SHROOM3: variants seen among roughly 807,000 people sequenced by gnomAD.
SHROOM3 encodes shroom family member 3.
A neutral mutation model predicts 138.6 loss-of-function variants in SHROOM3; 47 were observed. That is an observed-to-expected ratio of 0.34 (90% CI 0.27 to 0.43). SHROOM3 has a LOEUF of 0.43. SHROOM3 is among the 20% of genes least tolerant of loss of function. The pLI is 1.00. For missense variants in SHROOM3, 2,491 were observed against 2,596.5 expected (o/e 0.96, Z 0.88); for synonymous variants, 1,062 against 1,063.3 (o/e 1.00, Z 0.02).
chr4:76,626,448 C>T (rs1735146316), intron 2 of SHROOM3, among the ~76,000 whole-genome samples: 1 of 152,176 alleles, frequency 6.6e-6, no homozygotes, highest in Non-Finnish European at 1.5e-5. Context: ...TAAATACATA[C>T]CCATTGTCTA....
intron 2 of SHROOM3, among the ~76,000 whole-genome samples, chr4:76,565,022 G>A (rs902746052): frequency 6.6e-6 from 1 of 152,000 alleles, no homozygotes; most frequent in Non-Finnish European, 1.5e-5. Context: ...TTAGCCGGGT[G>A]TGGTGGTGGG....
At chr4:76,691,036 G>T (rs945909342) in intron 2 of SHROOM3, among the ~76,000 whole-genome samples, 1 of 152,172 alleles carries the variant, frequency 6.6e-6, no homozygotes, top group African/African-American at 2.4e-5. Flanking sequence ...CCCAGCAAAT[G>T]GTTTCTGTTT....
chr4:76,782,474 T>TA lies in SHROOM3; in HGVS notation c.*3300dup, dbSNP rs543774825. The TA allele has an allele frequency of 8.5e-5, 13 of 152,246 alleles. No homozygotes were observed. The highest frequency in any genetic ancestry group is 1.8e-4 in the Non-Finnish European group (12 of 68,044). The allele number at this position is 152,246 out of a possible 1,614,324, so 9.4% of individuals were successfully genotyped here. On this transcript the variant is annotated 3_prime_UTR_variant, in exon 11 of 11. Coordinates refer to ENST00000296043, the MANE Select transcript of SHROOM3 (RefSeq NM_020859.4). ...TCTCATCTAAAATAATTCATGAGTT[T>TA]AAATGGTAAATATATGCTTTAAGCT...
intron 1 of SHROOM3, among the ~76,000 whole-genome samples, chr4:76,551,436 G>A (rs981505286): frequency 3.9e-5 from 6 of 152,038 alleles, no homozygotes; most frequent in Non-Finnish European, 8.8e-5. Context: ...AATACTGAAG[G>A]GATGCAATTT....
intron 2 of SHROOM3, among the ~76,000 whole-genome samples, chr4:76,620,091 A>AAG (rs1553929397): frequency 1.2e-4 from 16 of 135,408 alleles, no homozygotes; most frequent in East Asian, 9.4e-4. Flanking sequence ...AAAAAAAAAA[A>AAG]AAGAAGAAAA....
At chr4:76,545,362 G>A (rs1380905496) in intron 1 of SHROOM3, among the ~76,000 whole-genome samples, 1 of 152,154 alleles carries the variant, frequency 6.6e-6, no homozygotes, top group Middle Eastern at 3.2e-3. Flanking sequence ...CCAGGGAGCT[G>A]TAAATCAAGA....
intron 3 of SHROOM3, among the ~76,000 whole-genome samples, chr4:76,726,243 C>T (rs1317507667): frequency 7.6e-6 from 1 of 131,004 alleles, no homozygotes; most frequent in Non-Finnish European, 1.8e-5. Flanking sequence ...CCTCCTCCTT[C>T]TGTGGAAGCT....
intron 2 of SHROOM3, among the ~76,000 whole-genome samples, chr4:76,641,451 T>C (rs1455912807): frequency 6.6e-6 from 1 of 152,104 alleles, no homozygotes; most frequent in Non-Finnish European, 1.5e-5. Context: ...CAGGCCTGTA[T>C]GCCCATAGGA....
rs61374645 is a variant in SHROOM3, at chr4:76,646,225, A to AATAAATAAATAT, written c.324-63928_324-63927insAATAAATATATA. Among the ~76,000 whole-genome samples the AATAAATAAATAT allele has an allele frequency of 1.0e-3, 99 of 96,210 alleles. 2 individuals are homozygous for AATAAATAAATAT. The highest frequency in any genetic ancestry group is 4.4e-3 in the Middle Eastern group (1 of 228). The allele number at this position is 96,210 out of a possible 152,430, so 63.1% of individuals were successfully genotyped here. A position where few individuals can be genotyped will look rare whatever the true frequency, so the allele number is the denominator to read the frequency against. On this transcript the variant is annotated intron_variant, in intron 2 of 10. Transcript: ENST00000296043. The stretch of plus-strand genomic sequence containing the variant: ...CCTAGAACTTAAAGTATAATAAATA[A>AATAAATAAATAT]ATATATATATATATATATATATAAA...
chr4:76,459,392 AT>A (rs933224839), intron 1 of SHROOM3, among the ~76,000 whole-genome samples: 39 of 152,128 alleles, frequency 2.6e-4, no homozygotes, highest in Non-Finnish European at 5.1e-4. Flanking sequence ...AATAGTTGGG[AT>A]TTTTTCCCCC....
intron 2 of SHROOM3, among the ~76,000 whole-genome samples, chr4:76,626,789 C>T (rs10222847): frequency 6.6e-6 from 1 of 152,006 alleles, no homozygotes; most frequent in Non-Finnish European, 1.5e-5. Flanking sequence ...TCTCTTGGTC[C>T]AAAAGCTTCC....
chr4:76,640,274 G>A lies in SHROOM3; in HGVS notation c.324-69882G>A, dbSNP rs565577390. ...TTCTGCATCTTTAAGCATAAAGATC[G>A]CTTTCTCATTTTGTAACATGATTTC... On this transcript the variant is annotated intron_variant, in intron 2 of 10. Transcript: ENST00000296043. Among the ~76,000 whole-genome samples the A allele has an allele frequency of 1.1e-4, 17 of 152,244 alleles. No homozygotes were observed. In the South Asian group the frequency reaches 2.5e-3, roughly 22 times the overall value.
In SHROOM3 at chr4:76,587,873, G is replaced by C. The variant is rs149726452; in HGVS notation, c.323+32110G>C. On this transcript the variant is annotated intron_variant, in intron 2 of 10. Coordinates refer to ENST00000296043, the MANE Select transcript of SHROOM3 (RefSeq NM_020859.4). ...AATGTTGAAGTTGTTAAAGAGAAAT[G>C]AACATTGGAAAGCTAAATAGATATT... Among the ~76,000 whole-genome samples the C allele has an allele frequency of 2.7e-3, 415 of 152,246 alleles. 2 individuals are homozygous for C. The highest frequency in any genetic ancestry group is 9.5e-3 in the African/African-American group (396 of 41,542).
chr4:76,502,540 C>T (rs1560526380), intron 1 of SHROOM3, among the ~76,000 whole-genome samples: 1 of 152,144 alleles, frequency 6.6e-6, no homozygotes, highest in Non-Finnish European at 1.5e-5. Context: ...ATACTTAGCT[C>T]GTGTCCACTG....
chr4:76,746,886 G>A (rs993236706), intron 5 of SHROOM3, among the ~76,000 whole-genome samples: 4 of 151,136 alleles, frequency 2.6e-5, no homozygotes, highest in Non-Finnish European at 4.4e-5. Context: ...GCGCAATGTC[G>A]GCTCACTGCA....
At chr4:76,691,280 A>G (rs957916119) in intron 2 of SHROOM3, among the ~76,000 whole-genome samples, 1 of 152,186 alleles carries the variant, frequency 6.6e-6, no homozygotes, top group African/African-American at 2.4e-5. Flanking sequence ...TCTGCCTAGG[A>G]TGGCTTCAGT....
At chr4:76,510,889 G>T (rs1357201339) in intron 1 of SHROOM3, among the ~76,000 whole-genome samples, 1 of 152,004 alleles carries the variant, frequency 6.6e-6, no homozygotes, top group African/African-American at 2.4e-5. Context: ...GCTCTAAAAT[G>T]TTCATTTCTC....
chr4:76,766,955 C>T (rs991193165), intron 9 of SHROOM3, among the ~76,000 whole-genome samples: 3 of 152,128 alleles, frequency 2.0e-5, no homozygotes, highest in African/African-American at 7.2e-5. Context: ...AGAAGCCTCC[C>T]TGCATCACTT....
Position 76,779,342 on chromosome 4 carries a change from C to T in SHROOM3, c.*165C>T. ...AGGAGGAAGCCTTTTTCCTTCTTGC[C>T]CTTCCTGATTGATCTTCTGAGAGCT... On this transcript the variant is annotated 3_prime_UTR_variant, in exon 11 of 11. Coordinates refer to ENST00000296043, the MANE Select transcript of SHROOM3 (RefSeq NM_020859.4). 2 of 855,976 alleles carry T rather than the reference C, an allele frequency of 2.3e-6. No homozygotes were observed. Among genetic ancestry groups the T allele is most frequent in the Non-Finnish European group, 3.5e-6 (2 of 573,722 alleles). 53.0% of individuals were successfully genotyped at this position (855,976 alleles called of 1,614,324 possible).
Sources: gnomAD v4.1 joint callset for allele counts (sites outside exome capture counted in the v4.1 genomes callset) on GRCh38, gnomAD v4.1.1 for gene constraint, MANE v1.5 for transcripts, NCBI Gene and HGNC (gene_info 2026-07-23, HGNC 2026-07-21) for gene names.